CCDC93: variants seen among roughly 807,000 people sequenced by gnomAD.
The protein encoded by CCDC93 is coiled-coil domain-containing protein 93.
A neutral mutation model predicts 108.2 loss-of-function variants in CCDC93; 61 were observed. The ratio of observed to expected loss-of-function variants is 0.56; its 90% CI spans 0.46 to 0.70. The LOEUF is 0.70. Ranked by LOEUF, CCDC93 falls within the 30% of genes least tolerant of loss-of-function variation. The probability of loss-of-function intolerance (pLI) is 0.00; values close to 1 mark genes in which losing one functional copy is unlikely to be tolerated. For missense variants in CCDC93, 685 were observed against 764.2 expected, an observed-to-expected ratio of 0.90 and a Z score of 1.22; for synonymous variants, 276 against 260.4, an observed-to-expected ratio of 1.06 and a Z score of -0.58.
rs529099035 is a variant in CCDC93 at position 117,920,146 on chromosome 2, G to A, written c.*197C>T. Reference sequence around the variant, plus strand: ...GGATGATGGGTGTTATCCAAGCCACGTGTTTACTGTCTGACTCCATCAACA... The same window carrying A: ...GGATGATGGGTGTTATCCAAGCCACATGTTTACTGTCTGACTCCATCAACA... On this transcript the variant is annotated 3_prime_UTR_variant, in exon 24 of 24. Coordinates refer to ENST00000376300, the MANE Select transcript of CCDC93 (RefSeq NM_019044.5). The A allele has an allele frequency of 1.6e-5, 8 of 492,394 alleles. No individual in the cohort carries two copies. Among genetic ancestry groups the A allele is most frequent in the East Asian group, 1.5e-4 (5 of 32,668 alleles). 30.5% of individuals were successfully genotyped at this position (492,394 alleles called of 1,614,324 possible).
chr2:117,937,200 A>G (rs1974912), intron 20 of CCDC93, among the ~76,000 whole-genome samples: 148,136 of 152,324 alleles, frequency 0.97, 72,170 homozygotes, highest in Middle Eastern at 1. Flanking sequence ...CGCCAATGCA[A>G]CAAGCTAAGC....
intron 13 of CCDC93, chr2:117,950,501 T>C (rs1285767401): frequency 2.0e-5 from 20 of 985,438 alleles, no homozygotes; most frequent in South Asian, 4.7e-5. Flanking sequence ...CAACCCTCCA[T>C]GCCCAGCTCT....
At chr2:117,987,277 A>G (rs1680349588) in intron 6 of CCDC93, among the ~76,000 whole-genome samples, 1 of 152,200 alleles carries the variant, frequency 6.6e-6, no homozygotes, top group Admixed American at 6.5e-5. Flanking sequence ...CAGACACTGA[A>G]TAATTTGTCC....
chr2:117,978,407 G>A (rs368289013), intron 7 of CCDC93, among the ~76,000 whole-genome samples: 6 of 152,040 alleles, frequency 3.9e-5, no homozygotes, highest in African/African-American at 1.4e-4. Context: ...CCAAATATGC[G>A]CTTTAATGGC....
At chr2:118,003,316 A>C (rs17512938) in intron 3 of CCDC93, among the ~76,000 whole-genome samples, 59,576 of 152,002 alleles carry the variant, frequency 0.39, 12,312 homozygotes, top group East Asian at 0.68. Flanking sequence ...TCTCCATCAG[A>C]CTCTCATAGC....
intron 22 of CCDC93, chr2:117,931,502 GCT>G (rs1392083597): frequency 1.2e-5 from 3 of 241,048 alleles, no homozygotes; most frequent in Non-Finnish European, 2.5e-5. Flanking sequence ...AGAAGTGGGT[GCT>G]ACTGGAATCA....
chr2:117,999,181 T>G (rs1273114641), intron 4 of CCDC93: 2 of 152,160 alleles, frequency 1.3e-5, no homozygotes, highest in Admixed American at 1.3e-4. Context: ...GCGACCAACT[T>G]GAACCCAGGA....
At chr2:117,951,547 T>C (rs991965634) in intron 13 of CCDC93, 1 of 998,684 alleles carries the variant, frequency 1.0e-6, no homozygotes, top group Non-Finnish European at 1.2e-6. Context: ...GATACTGGGT[T>C]GGTTTCGGAG....
At chr2:117,945,350 G>T (rs1678833709) in intron 17 of CCDC93, among the ~76,000 whole-genome samples, 179 bp downstream of exon 17, 1 of 152,194 alleles carries the variant, frequency 6.6e-6, no homozygotes, top group Admixed American at 6.5e-5. Context: ...CATTCCTGGT[G>T]AGACCCTGCC....
chr2:117,924,510 A>C (rs1324899992), intron 23 of CCDC93, among the ~76,000 whole-genome samples: 1 of 152,250 alleles, frequency 6.6e-6, no homozygotes, highest in East Asian at 1.9e-4. Flanking sequence ...GATTTGATCA[A>C]CTGGAAGAAA....
At chr2:117,975,476 C>A (rs1466265522) in intron 8 of CCDC93, among the ~76,000 whole-genome samples, 196 bp from the exon 9 acceptor site, 1 of 152,230 alleles carries the variant, frequency 6.6e-6, no homozygotes, top group Non-Finnish European at 1.5e-5. Context: ...CAGGAACTGG[C>A]AAATGCCTGT....
chr2:117,958,546 G>T (rs1350631684), intron 11 of CCDC93, 65 bp from the exon 12 acceptor site: 1 of 973,090 alleles, frequency 1.0e-6, no homozygotes, highest in Non-Finnish European at 1.7e-6. Context: ...ATGTAATCAA[G>T]CCCTGTTCAA....
In CCDC93 at chr2:117,946,663, A is replaced by T. The variant is rs540101355; in HGVS notation, c.1296+148T>A. On this transcript the variant is annotated intron_variant, in intron 16 of 23. Coordinates refer to ENST00000376300, the MANE Select transcript of CCDC93 (RefSeq NM_019044.5). ...AGGAAAGAGAGAAGAGATGGATACA[A>T]ATCTAAGAAGGTCACAGAAGGAAAA... 1.3e-5 allele frequency: 8 copies of T among 618,490 alleles called. 1 individual carries two copies. In the East Asian group the frequency reaches 2.2e-4, roughly 17 times the overall value. 38.3% of individuals were successfully genotyped at this position (618,490 alleles called of 1,614,324 possible). A position where few individuals can be genotyped will look rare whatever the true frequency, so the allele number is the denominator to read the frequency against.
At chr2:117,939,835 G>T (rs1183637240) in intron 19 of CCDC93, among the ~76,000 whole-genome samples, 1 of 152,174 alleles carries the variant, frequency 6.6e-6, no homozygotes, top group East Asian at 1.9e-4. Context: ...TACCAAGTGG[G>T]AATTGTAGGA....
At chr2:117,935,621 T>G in intron 21 of CCDC93, 42 bp from the exon 22 acceptor site, 1 of 1,419,318 alleles carries the variant, frequency 7.0e-7, no homozygotes, top group South Asian at 1.2e-5. Flanking sequence ...CACACAGGAC[T>G]CTGAGGCAGG....
chr2:118,013,289 C>G (rs1161878231), intron 1 of CCDC93, among the ~76,000 whole-genome samples: 2 of 152,256 alleles, frequency 1.3e-5, no homozygotes, highest in Non-Finnish European at 2.9e-5. Context: ...GAAGCCGCAG[C>G]CTTTCCGCCC....
chr2:117,941,471 TC>T (rs148806747), intron 18 of CCDC93, among the ~76,000 whole-genome samples, 174 bp from the exon 19 acceptor site: 2,835 of 152,192 alleles, frequency 0.019, 46 homozygotes, highest in Non-Finnish European at 0.027. Flanking sequence ...GGATTGACTT[TC>T]CCGCTTTCCT....
At chr2:117,952,472 G>A in intron 12 of CCDC93, 37 bp from the exon 13 acceptor site, 1 of 1,396,398 alleles carries the variant, frequency 7.2e-7, no homozygotes, top group Non-Finnish European at 1.0e-6. Context: ...GCTCTCATTT[G>A]ATCCTTATGA....
rs1677787019 is a variant in CCDC93 at position 117,919,317 on chromosome 2, T to C, written c.*1026A>G. ...CCTCTGCACTCTCTTGGGTTTTTAA[T>C]CATAGTGTATTTTCATTTAAAACAG... On this transcript the variant is annotated 3_prime_UTR_variant, in exon 24 of 24. Coordinates refer to ENST00000376300, the MANE Select transcript of CCDC93 (RefSeq NM_019044.5). 1 of 152,186 alleles carries C rather than the reference T, an allele frequency of 6.6e-6. No individual in the cohort carries two copies. The highest frequency in any genetic ancestry group is 2.4e-5 in the African/African-American group (1 of 41,424). 9.4% of individuals were successfully genotyped at this position (152,186 alleles called of 1,614,324 possible).
Sources: gnomAD v4.1 joint callset for allele counts (sites outside exome capture counted in the v4.1 genomes callset) on GRCh38, gnomAD v4.1.1 for gene constraint, MANE v1.5 for transcripts, NCBI Gene and HGNC (gene_info 2026-07-23, HGNC 2026-07-21) for gene names.